The following EHMT1 variants were observed in gnomAD, a reference collection of about 807,000 sequenced individuals.
The protein encoded by EHMT1 is euchromatic histone lysine methyltransferase 1.
EHMT1 carries 15 observed loss-of-function variants against 147.2 expected under a neutral mutation model. That is an observed-to-expected ratio of 0.10 (90% CI 0.07 to 0.16). The LOEUF is 0.16. Among genes scored for constraint, EHMT1 ranks in the 10% least tolerant of loss-of-function variants. The pLI, the probability that EHMT1 is intolerant of heterozygous loss-of-function variation, is 1.00. For synonymous variants in EHMT1, 795 were observed against 709.6 expected (o/e 1.12, Z -1.91); for missense variants, 1,587 against 1,772.4 (o/e 0.90, Z 1.88).
intron 1 of EHMT1, among the ~76,000 whole-genome samples, chr9:137,678,079 A>G (rs1941558437): frequency 1.3e-5 from 2 of 152,128 alleles, no homozygotes; most frequent in Non-Finnish European, 2.9e-5. Flanking sequence ...AAAAATAATA[A>G]TAATAATAAT....
At chr9:137,799,488 C>T (rs1190302039) in intron 17 of EHMT1, among the ~76,000 whole-genome samples, 1 of 152,238 alleles carries the variant, frequency 6.6e-6, no homozygotes, top group Non-Finnish European at 1.5e-5. Flanking sequence ...ACAGGGGCCA[C>T]CTGCCTCACG....
At chr9:137,754,488 G>A (rs1435678957) in intron 8 of EHMT1, among the ~76,000 whole-genome samples, 197 bp downstream of exon 8, 1 of 152,108 alleles carries the variant, frequency 6.6e-6, no homozygotes, top group African/African-American at 2.4e-5. Context: ...TGTAGTGGAC[G>A]TTGACTTCAC....
intron 17 of EHMT1, among the ~76,000 whole-genome samples, chr9:137,799,747 T>A (rs1467914564): frequency 6.6e-6 from 1 of 152,242 alleles, no homozygotes; most frequent in Non-Finnish European, 1.5e-5. Flanking sequence ...TTCTGTGCCC[T>A]CTTGGCTGTG....
In EHMT1 at chr9:137,775,341, G is replaced by A. The variant is rs1325415387; in HGVS notation, c.1791+89G>A. 7 of 1,549,482 alleles carry A rather than the reference G, an allele frequency of 4.5e-6. No individual in the cohort carries two copies. Among genetic ancestry groups the A allele is most frequent in the African/African-American group, 1.4e-5 (1 of 73,782 alleles). The stretch of plus-strand genomic sequence containing the variant: ...GGTTCCTGTCCTGTGTCCACCTGCT[G>A]TCGGGTGGTCCAGCAGCTGGCCCAG... On this transcript the variant is annotated intron_variant, in intron 11 of 26. Transcript: ENST00000460843. The surrounding 1 kb of genome is among the most constrained non-coding windows in gnomAD (Gnocchi z 6.1).
intron 4 of EHMT1, 178 bp downstream of exon 4, chr9:137,728,707 C>CTACCAAAAGAGGAGATCAACAAAAACATT: frequency 1.4e-6 from 1 of 733,442 alleles, no homozygotes. Flanking sequence ...CTGACCTCTG[C>CTACCAAAAGAGGAGATCAACAAAAACATT]TCTAAGCCTT....
At chr9:137,687,659 A>G (rs1450181204) in intron 1 of EHMT1, among the ~76,000 whole-genome samples, 10 of 151,980 alleles carry the variant, frequency 6.6e-5, no homozygotes, top group Non-Finnish European at 1.0e-4. Flanking sequence ...CTTGGGAGAG[A>G]CTCCTACCCG....
chr9:137,783,542 A>C (rs1425164577), intron 15 of EHMT1, among the ~76,000 whole-genome samples: 1 of 152,230 alleles, frequency 6.6e-6, no homozygotes, highest in African/African-American at 2.4e-5. Context: ...GTTTTCCTCA[A>C]ATGCCCAGTG....
At chr9:137,796,921 G>A (rs1344090303) in intron 16 of EHMT1, among the ~76,000 whole-genome samples, 1 of 152,114 alleles carries the variant, frequency 6.6e-6, no homozygotes, top group African/African-American at 2.4e-5. Flanking sequence ...CTTACTGGTG[G>A]GGCGCGGGGA....
intron 3 of EHMT1, among the ~76,000 whole-genome samples, chr9:137,722,208 T>G (rs1445329724): frequency 6.6e-6 from 1 of 152,246 alleles, no homozygotes; most frequent in Non-Finnish European, 1.5e-5. Flanking sequence ...ATATTTTTAT[T>G]CGTGAGGATC....
chr9:137,720,993 C>T (rs376511512), intron 3 of EHMT1, among the ~76,000 whole-genome samples: 7 of 152,016 alleles, frequency 4.6e-5, no homozygotes, highest in African/African-American at 1.7e-4. Context: ...GCAGTGGCCG[C>T]CTTTCTCCCC....
chr9:137,767,043 G>A (rs1011572682), intron 10 of EHMT1, among the ~76,000 whole-genome samples: 2 of 152,130 alleles, frequency 1.3e-5, no homozygotes. Context: ...GGCTGGTCTC[G>A]AACTTCTGGG....
chr9:137,629,886 C>T (rs1221003669), intron 1 of EHMT1, among the ~76,000 whole-genome samples: 1 of 152,192 alleles, frequency 6.6e-6, no homozygotes, highest in African/African-American at 2.4e-5. Flanking sequence ...ATATAGAAAG[C>T]ATTACTTCCA....
At chr9:137,717,752 T>G (rs1945492378) in intron 3 of EHMT1, among the ~76,000 whole-genome samples, 1 of 152,212 alleles carries the variant, frequency 6.6e-6, no homozygotes, top group Non-Finnish European at 1.5e-5. Flanking sequence ...TGTCAGATCC[T>G]TTCAAGGAGG....
intron 25 of EHMT1, among the ~76,000 whole-genome samples, chr9:137,831,137 C>T (rs993081765): frequency 1.3e-5 from 2 of 152,204 alleles, no homozygotes; most frequent in African/African-American, 4.8e-5. Flanking sequence ...GACCTAATCG[C>T]TTTCCCAAAG....
intron 10 of EHMT1, among the ~76,000 whole-genome samples, chr9:137,770,248 T>C (rs1489294579): frequency 2.6e-5 from 4 of 152,360 alleles, no homozygotes; most frequent in African/African-American, 9.6e-5. Flanking sequence ...TCTTTTTTTC[T>C]CCTTCCATTT....
rs370969704 is a variant in EHMT1 at position 137,814,410 on chromosome 9, C to T, written c.3181-21C>T. ...AAGGCCTGTGCCTGCACGTCTGACC[C>T]CCCGGCGCCTCTCTTCTCAGTACTG... On this transcript the variant is annotated intron_variant, in intron 21 of 26. Coordinates refer to ENST00000460843, the MANE Select transcript of EHMT1 (RefSeq NM_024757.5). 2.4e-4 allele frequency: 389 copies of T among 1,611,556 alleles called. 3 individuals carry two copies. In the African/African-American group the frequency reaches 4.7e-3, roughly 19 times the overall value.
intron 5 of EHMT1, 26 bp downstream of exon 5, chr9:137,743,554 C>T: frequency 6.2e-7 from 1 of 1,613,934 alleles, no homozygotes; most frequent in Non-Finnish European, 8.5e-7. Context: ...GAGTGAGTTG[C>T]CACGTGTGCG....
intron 25 of EHMT1, among the ~76,000 whole-genome samples, chr9:137,831,841 C>A (rs770387117): frequency 1.3e-5 from 2 of 152,230 alleles, no homozygotes; most frequent in Non-Finnish European, 2.9e-5. Context: ...TTCCCTAGTG[C>A]GATTGGCTGG....
chr9:137,628,974 TC>T (rs1333121529), intron 1 of EHMT1, among the ~76,000 whole-genome samples: 1 of 152,210 alleles, frequency 6.6e-6, no homozygotes, highest in Non-Finnish European at 1.5e-5. Flanking sequence ...ATTTTTTTTT[TC>T]AATCATTTCA....
Sources: allele counts gnomAD v4.1 joint callset (sites outside exome capture counted in the v4.1 genomes callset), GRCh38; gene constraint gnomAD v4.1.1; non-coding constraint Gnocchi (gnomAD v3.1); transcripts MANE v1.5; gene names NCBI Gene and HGNC (gene_info 2026-07-23, HGNC 2026-07-21).